The following CDX1 variants were observed in gnomAD, a reference collection of about 807,000 sequenced individuals.
The protein encoded by CDX1 is homeobox protein CDX-1.
In CDX1, 9 loss-of-function variants were observed where a neutral mutation model predicts 16.9. The ratio of observed to expected loss-of-function variants is 0.53; its 90% confidence interval spans 0.32 to 0.93. The LOEUF (loss-of-function observed/expected upper bound fraction) is 0.93. Among genes scored for constraint, CDX1 ranks in the 40% least tolerant of loss-of-function variants. The pLI, the probability that CDX1 is intolerant of heterozygous loss-of-function variation, is 0.04. For synonymous variants in CDX1, 179 were observed against 179.0 expected, an observed-to-expected ratio of 1.00 and a Z score of 0.00; for missense variants, 393 against 386.1, an observed-to-expected ratio of 1.02 and a Z score of -0.15.
At chr5:150,167,468 CT>C (rs1761443805) in intron 1 of CDX1, 147 bp downstream of exon 1, 1 of 450,554 alleles carries the variant, frequency 2.2e-6, no homozygotes, top group African/African-American at 2.0e-5. Flanking sequence ...GGGGGCTGCT[CT>C]TTGGCTCCCT....
At chr5:150,173,748 C>T (rs1267038659) in intron 1 of CDX1, among the ~76,000 whole-genome samples, 2 of 152,138 alleles carry the variant, frequency 1.3e-5, no homozygotes, top group Non-Finnish European at 2.9e-5. Context: ...TTTCTGTCCC[C>T]GGAACAGCAC....
intron 1 of CDX1, among the ~76,000 whole-genome samples, chr5:150,172,018 C>T (rs1761513996): frequency 6.6e-6 from 1 of 152,236 alleles, no homozygotes; most frequent in African/African-American, 2.4e-5. Context: ...ACACCTCACA[C>T]TCCCAGCCTC....
In CDX1 at chr5:150,171,558, G is replaced by A. The variant is rs371445692; in HGVS notation, c.445+4237G>A. On this transcript the variant is annotated intron_variant, in intron 1 of 2. Transcript: ENST00000231656. ...TCACCGTGTTAGCCAGGATGGTCTC[G>A]ATCTCCTGACCTCGTGATCCGCCCG... Among the ~76,000 whole-genome samples, 43 of 152,308 alleles carry A rather than the reference G, an allele frequency of 2.8e-4. No homozygotes were observed. In the South Asian group the frequency reaches 8.1e-3, roughly 29 times the overall value.
intron 1 of CDX1, among the ~76,000 whole-genome samples, chr5:150,176,713 GGCC>G (rs1039884936): frequency 6.6e-6 from 1 of 152,202 alleles, no homozygotes; most frequent in Non-Finnish European, 1.5e-5. Flanking sequence ...ACTAATTCTA[GGCC>G]ACACAGATGG....
At chr5:150,168,267 CT>C (rs1257838394) in intron 1 of CDX1, among the ~76,000 whole-genome samples, 15 of 152,368 alleles carry the variant, frequency 9.8e-5, no homozygotes, top group African/African-American at 3.6e-4. Context: ...CTTACCCCAG[CT>C]GCGAATAATC....
In CDX1 at chr5:150,167,184, C is replaced by T; in HGVS notation, c.308C>T (p.Ala103Val). ...GPPPDFSPVPAPPGPGPGLLA... is the reference protein window; with the variant it reads ...GPPPDFSPVPVPPGPGPGLLA... The stretch of plus-strand genomic sequence containing the variant: ...CCTCCAGACTTTAGCCCGGTGCCGG[C>T]GCCCCCTGGGCCCGGCCCGGGCCTC... The change falls in exon 1 of 3, where the codon GCG (alanine) becomes GTG (valine). Residue 103 changes from alanine to valine, a missense_variant. By Grantham distance (64) the Ala-to-Val change is moderately conservative (BLOSUM62 0). Transcript: ENST00000231656. The T allele has an allele frequency of 7.8e-7, 1 of 1,274,406 alleles. No individual in the cohort carries two copies. Among genetic ancestry groups the T allele is most frequent in the Non-Finnish European group, 9.8e-7 (1 of 1,015,712 alleles). 78.9% of individuals were successfully genotyped at this position (1,274,406 alleles called of 1,614,324 possible). A position where few individuals can be genotyped will look rare whatever the true frequency, so the allele number is the denominator to read the frequency against.
intron 1 of CDX1, among the ~76,000 whole-genome samples, chr5:150,173,122 G>A (rs568824935): frequency 1.2e-4 from 18 of 152,298 alleles, no homozygotes; most frequent in Admixed American, 1.0e-3. Context: ...ACCCTCCCAT[G>A]GCTTCCTTTT....
Position 150,167,911 on chromosome 5 carries a change from C to T in CDX1, c.445+590C>T, listed in dbSNP as rs373186448. ...AGGGTCCTCCCTGAACTCTTGACCC[C>T]GGGGGAGGGGAAGCGGGAGCAGTGG... is the stretch of plus-strand genomic sequence containing the variant. On this transcript the variant is annotated intron_variant, in intron 1 of 2. Transcript: ENST00000231656. Among the ~76,000 whole-genome samples the T allele has an allele frequency of 2.6e-5, 4 of 152,220 alleles. No individual in the cohort carries two copies. In the East Asian group the frequency reaches 7.7e-4, roughly 29 times the overall value.
At position 150,183,950 on chromosome 5, in the gene CDX1, A is replaced by C; in HGVS notation, c.*270A>C. The stretch of plus-strand genomic sequence containing the variant: ...CTCCCGTGGGCATCTCAAGCCCCAA[A>C]TGGTTGGGGGAGGGGCCTAGACAAG... On this transcript the variant is annotated 3_prime_UTR_variant, in exon 3 of 3. Coordinates refer to ENST00000231656, the MANE Select transcript of CDX1 (RefSeq NM_001804.3). 4.2e-5 allele frequency: 13 copies of C among 311,492 alleles called. No individual in the cohort carries two copies. Among genetic ancestry groups the C allele is most frequent in the Non-Finnish European group, 6.5e-5 (11 of 170,518 alleles). The allele number at this position is 311,492 out of a possible 1,614,324, so 19.3% of individuals were successfully genotyped here.
chr5:150,167,353 G>T, intron 1 of CDX1, 32 bp downstream of exon 1: 1 of 1,231,616 alleles, frequency 8.1e-7, no homozygotes, highest in South Asian at 3.8e-5. Flanking sequence ...TGCGCCTCTG[G>T]ACCTGCAGGT....
chr5:150,182,017 G>T (rs2113954806), intron 1 of CDX1, among the ~76,000 whole-genome samples: 1 of 152,228 alleles, frequency 6.6e-6, no homozygotes, highest in South Asian at 2.1e-4. Flanking sequence ...GAGGTAACTG[G>T]CAGGTCCTAG....
rs1320908454 is a variant in CDX1 at position 150,167,311 on chromosome 5, C to T, written c.435C>T (p.Gly145=). The T allele has an allele frequency of 1.6e-6, 2 of 1,262,864 alleles. No individual in the cohort carries two copies. The highest frequency in any genetic ancestry group is 2.0e-6 in the Non-Finnish European group (2 of 1,009,676). 78.2% of individuals were successfully genotyped at this position (1,262,864 alleles called of 1,614,324 possible). Residue 145 remains glycine (G), a synonymous_variant, in exon 1 of 3, where the codon GGC becomes GGT. Coordinates refer to ENST00000231656, the MANE Select transcript of CDX1 (RefSeq NM_001804.3). The stretch of plus-strand genomic sequence containing the variant: ...GGCGCAGCGTGGCGGCCGGAGGCGG[C>T]GGTGGCAGCGGTAAGGACCCTTCCC... ...WMRRSVAAGG[G]GGSGKTRTKD... is the part of the protein sequence containing the mutation.
At chr5:150,169,526 G>A (rs1173199811) in intron 1 of CDX1, among the ~76,000 whole-genome samples, 1 of 152,138 alleles carries the variant, frequency 6.6e-6, no homozygotes, top group African/African-American at 2.4e-5. Flanking sequence ...CAGGGCATCT[G>A]ACTGTCTATT....
chr5:150,169,017 A>ATCCTCAG (rs1761470855), intron 1 of CDX1, among the ~76,000 whole-genome samples: 1 of 152,186 alleles, frequency 6.6e-6, no homozygotes, highest in South Asian at 2.1e-4. Context: ...AGGATCCTGC[A>ATCCTCAG]GTTCCCAGTC....
chr5:150,171,922 C>T (rs1018007214), intron 1 of CDX1, among the ~76,000 whole-genome samples: 3 of 152,198 alleles, frequency 2.0e-5, no homozygotes, highest in East Asian at 1.9e-4. Context: ...TGTAAAGCAC[C>T]GCCCTGCCGC....
chr5:150,170,058 G>A (rs2237090), intron 1 of CDX1, among the ~76,000 whole-genome samples: 41,955 of 152,026 alleles, frequency 0.28, 6,613 homozygotes, highest in Middle Eastern at 0.48. Context: ...CCTCATCCCC[G>A]GCTGCTCTCA....
chr5:150,178,734 G>A (rs1032103838), intron 1 of CDX1, among the ~76,000 whole-genome samples: 1 of 152,216 alleles, frequency 6.6e-6, no homozygotes, highest in African/African-American at 2.4e-5. Context: ...TCCAGAGGCA[G>A]CCCCTATTAC....
intron 2 of CDX1, 41 bp downstream of exon 2, chr5:150,182,954 G>C: frequency 6.4e-7 from 1 of 1,562,366 alleles, no homozygotes; most frequent in Non-Finnish European, 8.6e-7. Flanking sequence ...AGCAGTGCGA[G>C]GACTCTGGTC....
At position 150,171,807 on chromosome 5, in the gene CDX1, A is replaced by G. The variant is rs542619395; in HGVS notation, c.445+4486A>G. Among the ~76,000 whole-genome samples the G allele has an allele frequency of 7.2e-5, 11 of 152,362 alleles. No individual in the cohort carries two copies. The South Asian group carries it at 2.3e-3, about 32-fold the overall frequency. On this transcript the variant is annotated intron_variant, in intron 1 of 2. Transcript: ENST00000231656. ...TCAGAGCTGGGATTGCATTTCCATA[A>G]GAAGCTGTATAGCTTCGGACAAGTT...
Sources: gnomAD v4.1 joint callset for allele counts (sites outside exome capture counted in the v4.1 genomes callset) on GRCh38, gnomAD v4.1.1 for gene constraint, MANE v1.5 for transcripts, NCBI Gene and HGNC (gene_info 2026-07-23, HGNC 2026-07-21) for gene names.